CUBN: variants seen among roughly 807,000 people sequenced by gnomAD.
CUBN encodes 460 kDa receptor.
Under a neutral mutation model 405.3 loss-of-function variants are expected in CUBN, and 282 were observed. The observed-to-expected ratio is 0.70, with a 90% CI of 0.63 to 0.77. The LOEUF (loss-of-function observed/expected upper bound fraction) is 0.77. Among genes scored for constraint, CUBN ranks in the 30% least tolerant of loss-of-function variants. The probability of loss-of-function intolerance (pLI) is 0.00; values close to 1 mark genes in which losing one functional copy is unlikely to be tolerated. For missense variants in CUBN, 4,514 were observed against 4,475.2 expected (o/e 1.01, Z -0.25); for synonymous variants, 1,684 against 1,617.0 (o/e 1.04, Z -0.99).
intron 66 of CUBN, among the ~76,000 whole-genome samples, chr10:16,826,294 A>AAATTTACATG (rs1554778712): frequency 2.6e-5 from 4 of 151,888 alleles, no homozygotes; most frequent in Non-Finnish European, 4.4e-5. Context: ...AGTTTAACAA[A>AAATTTACATG]CATATTTACA....
At chr10:16,841,081 A>G (rs1259621660) in intron 60 of CUBN, 34 bp from the exon 61 acceptor site, 1 of 1,607,870 alleles carries the variant, frequency 6.2e-7, no homozygotes, top group Admixed American at 1.7e-5. Context: ...CTTCTCCATT[A>G]CTTACAAAAA....
chr10:17,109,508 G>A (rs985334909), intron 10 of CUBN, 132 bp downstream of exon 10: 1 of 737,970 alleles, frequency 1.4e-6, no homozygotes, highest in Admixed American at 2.0e-5. Flanking sequence ...TAGTTTTATG[G>A]CATGGATTAA....
chr10:17,064,805 T>A (rs923496033), intron 22 of CUBN, among the ~76,000 whole-genome samples: 1 of 152,134 alleles, frequency 6.6e-6, no homozygotes, highest in Non-Finnish European at 1.5e-5. Flanking sequence ...AAGGGCATAG[T>A]AATAATGAGA....
rs1833306402 is a variant in CUBN at position 16,982,600 on chromosome 10, G to T, written c.4579C>A (p.Pro1527Thr). ...PSGEIHSPNY[P>T]SPYRSNTDCS... ...TCTGTGTTGCTCCTATAAGGACTGG[G>T]GTAATTTGGAGAATGAATCTCTCCA... The change falls in exon 31 of 67, where the codon CCC (proline) becomes ACC (threonine). Residue 1527 changes from proline (P) to threonine (T), a missense_variant. Coordinates refer to ENST00000377833, the MANE Select transcript of CUBN (RefSeq NM_001081.4). The T allele has an allele frequency of 1.9e-6, 3 of 1,613,472 alleles. No individual in the cohort carries two copies. In the South Asian group the frequency reaches 3.3e-5, roughly 18 times the overall value.
intron 66 of CUBN, among the ~76,000 whole-genome samples, chr10:16,825,443 T>C (rs796403969): frequency 1.3e-5 from 2 of 152,278 alleles, no homozygotes; most frequent in African/African-American, 4.8e-5. Flanking sequence ...GGTATTGAAA[T>C]TGTATCTCAA....
intron 34 of CUBN, 128 bp downstream of exon 34, chr10:16,949,873 A>C: frequency 1.4e-6 from 1 of 737,438 alleles, no homozygotes; most frequent in Admixed American, 2.1e-5. Context: ...AATCATCTTT[A>C]TTTGGCTTAG....
At chr10:17,054,440 A>G (rs1377360576) in intron 22 of CUBN, among the ~76,000 whole-genome samples, 1 of 152,074 alleles carries the variant, frequency 6.6e-6, no homozygotes, top group African/African-American at 2.4e-5. Context: ...AGAAAAGCTA[A>G]CTAAGGCAAG....
intron 14 of CUBN, among the ~76,000 whole-genome samples, chr10:17,097,242 G>C (rs1836395800): frequency 1.3e-5 from 2 of 151,898 alleles, no homozygotes; most frequent in African/African-American, 2.4e-5. Flanking sequence ...TCAATATCAG[G>C]AATGAAAAGA....
intron 2 of CUBN, among the ~76,000 whole-genome samples, chr10:17,128,154 T>A (rs1326438185): frequency 6.6e-6 from 1 of 152,248 alleles, no homozygotes; most frequent in African/African-American, 2.4e-5. Flanking sequence ...ATTTTCCATT[T>A]GTATGTTTTC....
intron 48 of CUBN, among the ~76,000 whole-genome samples, chr10:16,908,975 C>T (rs867626843): frequency 2.6e-5 from 4 of 151,108 alleles, no homozygotes; most frequent in Admixed American, 1.3e-4. Flanking sequence ...CTCCGCTTCC[C>T]GGGTTCACGC....
chr10:16,987,080 C>T (rs1833447929), intron 29 of CUBN, among the ~76,000 whole-genome samples: 1 of 152,202 alleles, frequency 6.6e-6, no homozygotes, highest in African/African-American at 2.4e-5. Flanking sequence ...TAACTGTCCA[C>T]ACCAAGCAAT....
At chr10:17,074,700 T>C (rs538267495) in intron 17 of CUBN, among the ~76,000 whole-genome samples, 33 of 152,326 alleles carry the variant, frequency 2.2e-4, no homozygotes, top group Admixed American at 1.2e-3. Flanking sequence ...TCATAGCAAT[T>C]TGGGGTCCAG....
intron 13 of CUBN, among the ~76,000 whole-genome samples, chr10:17,100,811 G>A (rs1836477950): frequency 6.6e-6 from 1 of 152,144 alleles, no homozygotes; most frequent in South Asian, 2.1e-4. Flanking sequence ...CGGCTTCAGG[G>A]ACTGGATATA....
rs57163243 is a variant in CUBN at position 16,851,407 on chromosome 10, G to A, written c.9491C>T (p.Ser3164Leu). ...QQGCGGYLTGSNNTFASPDSD... is the reference protein window; with the variant it reads ...QQGCGGYLTGLNNTFASPDSD... Reference sequence around the variant, plus strand: ...ATCAGGAGAGGCAAAGGTATTATTCGAGCCTGTCAGATAACCACCACATCC... The same window carrying A: ...ATCAGGAGAGGCAAAGGTATTATTCAAGCCTGTCAGATAACCACCACATCC... Residue 3164 changes from serine (S) to leucine (L), a missense_variant, in exon 60 of 67, where the codon TCG becomes TTG. Around this residue, in one of 5 missense-constraint regions of CUBN, gnomAD observed 1,186 missense variants for 1,186.9 expected, o/e 1.00. Transcript: ENST00000377833. The A allele has an allele frequency of 1.2e-5, 20 of 1,613,942 alleles. No individual in the cohort carries two copies. Among genetic ancestry groups the A allele is most frequent in the African/African-American group, 5.3e-5 (4 of 74,854 alleles).
chr10:17,066,997 G>A (rs1835625265), intron 21 of CUBN, among the ~76,000 whole-genome samples: 2 of 152,190 alleles, frequency 1.3e-5, no homozygotes, highest in East Asian at 1.9e-4. Context: ...AAACTGAAAT[G>A]GATCAACCTG....
At chr10:16,857,402 T>C (rs1160676770) in intron 59 of CUBN, among the ~76,000 whole-genome samples, 1 of 152,190 alleles carries the variant, frequency 6.6e-6, no homozygotes, top group Non-Finnish European at 1.5e-5. Flanking sequence ...AAAAGAGCAA[T>C]ACTTGTATAA....
At chr10:16,885,919 A>C (rs962544860) in intron 56 of CUBN, among the ~76,000 whole-genome samples, 1 of 152,248 alleles carries the variant, frequency 6.6e-6, no homozygotes, top group East Asian at 1.9e-4. Flanking sequence ...GAAAATAAGC[A>C]TCTCGAATAA....
At chr10:17,111,186 G>T in intron 8 of CUBN, 136 bp from the exon 9 acceptor site, 5 of 1,031,326 alleles carry the variant, frequency 4.8e-6, no homozygotes, top group Non-Finnish European at 7.2e-6. Context: ...TATCAGATTG[G>T]CAAAAGTTGT....
chr10:17,129,797 C>G lies in CUBN; in HGVS notation c.-32G>C, dbSNP rs1049131539. 1 of 1,611,826 alleles carries G rather than the reference C, an allele frequency of 6.2e-7. No individual in the cohort carries two copies. The highest frequency in any genetic ancestry group is 1.3e-5 in the African/African-American group (1 of 74,776). On this transcript the variant is annotated 5_prime_UTR_variant, in exon 1 of 67. Coordinates refer to ENST00000377833, the MANE Select transcript of CUBN (RefSeq NM_001081.4). Reference sequence around the variant, plus strand: ...CCCAGGTTGGCAGGTAAGAGTGAGGCCACTCCAACCAACTGAGCATGGGAT... The same window carrying G: ...CCCAGGTTGGCAGGTAAGAGTGAGGGCACTCCAACCAACTGAGCATGGGAT...
Sources: allele counts gnomAD v4.1 joint callset (sites outside exome capture counted in the v4.1 genomes callset), GRCh38; gene constraint gnomAD v4.1.1; regional missense constraint gnomAD v4.1.1; transcripts MANE v1.5; gene names NCBI Gene and HGNC (gene_info 2026-07-23, HGNC 2026-07-21).